Variants in ARFGEF2 observed in about 807,000 individuals in gnomAD.
ARFGEF2 encodes ARF guanine nucleotide exchange factor 2, also known as brefeldin A-inhibited guanine nucleotide-exchange protein 2.
Under a neutral mutation model 219.9 loss-of-function variants are expected in ARFGEF2, and 74 were observed. The observed-to-expected ratio is 0.34, with a 90% confidence interval of 0.28 to 0.41. The LOEUF is 0.41. ARFGEF2 is among the 10% of genes least tolerant of loss of function. The probability of loss-of-function intolerance (pLI) is 1.00; values close to 1 mark genes in which losing one functional copy is unlikely to be tolerated. For synonymous variants in ARFGEF2, 733 were observed against 799.2 expected, an observed-to-expected ratio of 0.92 and a Z score of 1.40; for missense variants, 1,743 against 2,218.3, an observed-to-expected ratio of 0.79 and a Z score of 4.30.
chr20:48,975,857 A>C (rs548036777), intron 13 of ARFGEF2, among the ~76,000 whole-genome samples, 159 bp from the exon 14 acceptor site: 1 of 152,032 alleles, frequency 6.6e-6, no homozygotes, highest in South Asian at 2.1e-4. Context: ...TTTTAAGTAA[A>C]GTATCTGAAT....
intron 38 of ARFGEF2, 43 bp from the exon 39 acceptor site, chr20:49,032,980 A>C (rs763295407): frequency 6.8e-5 from 109 of 1,608,654 alleles, no homozygotes; most frequent in Non-Finnish European, 7.0e-5. Flanking sequence ...GCCCAAAAAA[A>C]AAAAAAATTG....
chr20:49,023,759 C>T (rs1482738099), intron 35 of ARFGEF2, among the ~76,000 whole-genome samples: 1 of 150,994 alleles, frequency 6.6e-6, no homozygotes, highest in Non-Finnish European at 1.5e-5. Context: ...AGGATGGTCT[C>T]GATCTCCTGA....
At chr20:48,982,409 G>A (rs1374823016) in intron 14 of ARFGEF2, among the ~76,000 whole-genome samples, 3 of 152,206 alleles carry the variant, frequency 2.0e-5, no homozygotes, top group South Asian at 2.1e-4. Context: ...TGTATGAGGT[G>A]TCAGTCGGCC....
chr20:48,987,043 T>C (rs2091330532), intron 16 of ARFGEF2, among the ~76,000 whole-genome samples: 1 of 152,176 alleles, frequency 6.6e-6, no homozygotes, highest in Admixed American at 6.5e-5. Flanking sequence ...CAGGTCAACT[T>C]TGTTTTCATA....
chr20:49,005,818 G>A (rs568911905), intron 26 of ARFGEF2, among the ~76,000 whole-genome samples: 8 of 151,360 alleles, frequency 5.3e-5, no homozygotes, highest in African/African-American at 1.9e-4. Flanking sequence ...TAAAGGAAGA[G>A]CCACTGCAGA....
chr20:49,007,933 T>G lies in ARFGEF2; in HGVS notation c.3585-2299T>G, dbSNP rs1412673480. ...TCAACTCCTAACTCCAGGCCTTCCCTGCCTATCCTATTCCCATTTGAAAAG... is the reference window on the plus strand; with the variant it reads ...TCAACTCCTAACTCCAGGCCTTCCCGGCCTATCCTATTCCCATTTGAAAAG... On this transcript the variant is annotated intron_variant, in intron 26 of 38. Coordinates refer to ENST00000371917, the MANE Select transcript of ARFGEF2 (RefSeq NM_006420.3). 2.9e-5 allele frequency among the ~76,000 whole-genome samples: 4 copies of G among 139,620 alleles called. No individual in the cohort carries two copies. The East Asian group carries it at 7.9e-4, about 28-fold the overall frequency. The allele number at this position is 139,620 out of a possible 152,430, so 91.6% of individuals were successfully genotyped here.
chr20:48,992,728 C>CT (rs1415045804), intron 21 of ARFGEF2, among the ~76,000 whole-genome samples: 11 of 152,196 alleles, frequency 7.2e-5, no homozygotes, highest in African/African-American at 1.2e-4. Flanking sequence ...TGTCACAACT[C>CT]TGAGTAGTCC....
Position 48,976,024 on chromosome 20 carries a change from A to T in ARFGEF2, c.1783A>T (p.Arg595Trp). ...CTTTTGTTTCTCCGCAGGTCAGGAG[A>T]GGCTCACGGATCAGGAAATAGGGGA... The part of the protein sequence containing the change: ...PNHQTSLGQE[R>W]LTDQEIGDGK... Residue 595 changes from arginine to tryptophan, a missense_variant, in exon 14 of 39, where the codon AGG becomes TGG. This residue lies in a region of ARFGEF2 where 666 missense variants were observed against 955.4 expected (regional missense o/e 0.70). Transcript: ENST00000371917. 1.2e-6 allele frequency: 2 copies of T among 1,612,148 alleles called. No individual in the cohort carries two copies. The highest frequency in any genetic ancestry group is 2.2e-4 in the Middle Eastern group (1 of 4,600).
At position 48,963,696 on chromosome 20, in the gene ARFGEF2, A is replaced by G. The variant is rs1829713460; in HGVS notation, c.839-134A>G. 11 of 787,984 alleles carry G rather than the reference A, an allele frequency of 1.4e-5. No individual in the cohort carries two copies. In the Admixed American group the frequency reaches 2.2e-4, roughly 16 times the overall value. 48.8% of individuals were successfully genotyped at this position (787,984 alleles called of 1,614,324 possible). A position where few individuals can be genotyped will look rare whatever the true frequency, so the allele number is the denominator to read the frequency against. ...AGTTGTCCTCCATTGACACAATCAG[A>G]TTTGGCCTTGGGGAGAACTTATTTG... On this transcript the variant is annotated intron_variant, in intron 6 of 38. Transcript: ENST00000371917.
chr20:48,923,553 A>T (rs1007534021), intron 1 of ARFGEF2, among the ~76,000 whole-genome samples: 1 of 152,210 alleles, frequency 6.6e-6, no homozygotes, highest in African/African-American at 2.4e-5. Flanking sequence ...GTAGATTTTT[A>T]AAGCTTTTCT....
Position 48,952,775 on chromosome 20 carries a change from C to T in ARFGEF2, c.494C>T (p.Thr165Ile), listed in dbSNP as rs779037797. The change falls in exon 5 of 39, where the codon ACA becomes ATA. Residue 165 changes from threonine to isoleucine, a missense_variant. By Grantham distance (89) the Thr-to-Ile change is moderately conservative. Coordinates refer to ENST00000371917, the MANE Select transcript of ARFGEF2 (RefSeq NM_006420.3). ...GGTACTATCCTGCAGACAGTGAGAA[C>T]ATGTTACAATATCTATTTGGCCAGC... ...HEGTILQTVR[T>I]CYNIYLASKN... The T allele has an allele frequency of 6.2e-7, 1 of 1,614,194 alleles. No individual in the cohort carries two copies. The highest frequency in any genetic ancestry group is 8.5e-7 in the Non-Finnish European group (1 of 1,180,020).
intron 25 of ARFGEF2, among the ~76,000 whole-genome samples, chr20:49,004,094 G>A (rs1237626358): frequency 6.6e-6 from 1 of 152,122 alleles, no homozygotes; most frequent in East Asian, 1.9e-4. Flanking sequence ...GCCGGGCGTG[G>A]TGGCTTACTC....
chr20:48,997,695 G>C (rs2091400665), intron 23 of ARFGEF2, among the ~76,000 whole-genome samples: 1 of 152,148 alleles, frequency 6.6e-6, no homozygotes, highest in African/African-American at 2.4e-5. Context: ...TTCGGTGGAG[G>C]TGTCAGACCT....
At chr20:48,990,998 A>G in intron 20 of ARFGEF2, 42 bp from the exon 21 acceptor site, 1 of 1,600,694 alleles carries the variant, frequency 6.2e-7, no homozygotes, top group South Asian at 1.1e-5. Flanking sequence ...TGGCCACACT[A>G]AGGTTGGAGT....
At chr20:48,924,133 A>G (rs2090861030) in intron 1 of ARFGEF2, among the ~76,000 whole-genome samples, 1 of 152,208 alleles carries the variant, frequency 6.6e-6, no homozygotes, top group Non-Finnish European at 1.5e-5. Context: ...TTTTACTTAG[A>G]GTAGAACACA....
intron 21 of ARFGEF2, among the ~76,000 whole-genome samples, chr20:48,994,201 C>T (rs1408280612): frequency 1.3e-5 from 2 of 152,090 alleles, no homozygotes; most frequent in Non-Finnish European, 2.9e-5. Flanking sequence ...CTTGTCGTCT[C>T]ACGAGGAGGG....
chr20:48,988,316 T>C lies in ARFGEF2; in HGVS notation c.2289T>C (p.Phe763=). 6.2e-7 allele frequency: 1 copy of C among 1,613,588 alleles called. No individual in the cohort carries two copies. Among genetic ancestry groups the C allele is most frequent in the Non-Finnish European group, 8.5e-7 (1 of 1,179,956 alleles). ...TTTTTTTCTCCAGGCAAACTCTGTTTGCTAGTGCTGACACTGCTTATGTCC... is the reference window on the plus strand; with the variant it reads ...TTTTTTTCTCCAGGCAAACTCTGTTCGCTAGTGCTGACACTGCTTATGTCC... ...YIECNQGQTL[F]ASADTAYVLA... The change falls in exon 17 of 39, where the codon TTT becomes TTC. Residue 763 remains phenylalanine, a synonymous_variant. Coordinates refer to ENST00000371917, the MANE Select transcript of ARFGEF2 (RefSeq NM_006420.3).
intron 21 of ARFGEF2, among the ~76,000 whole-genome samples, chr20:48,993,516 G>C (rs1221780335): frequency 1.3e-5 from 2 of 152,206 alleles, no homozygotes; most frequent in African/African-American, 4.8e-5. Flanking sequence ...GTATAGTGGA[G>C]TCCTGGACTC....
intron 1 of ARFGEF2, among the ~76,000 whole-genome samples, chr20:48,922,411 C>A (rs1350263013): frequency 6.6e-6 from 1 of 152,258 alleles, no homozygotes; most frequent in East Asian, 1.9e-4. Context: ...AGCCGTCCAA[C>A]TGGTTTAGGG....
Sources: gnomAD v4.1 joint callset for allele counts (sites outside exome capture counted in the v4.1 genomes callset) on GRCh38, gnomAD v4.1.1 for gene constraint, gnomAD v4.1.1 regional missense constraint, MANE v1.5 for transcripts, NCBI Gene and HGNC (gene_info 2026-07-23, HGNC 2026-07-21) for gene names.